The following TSNARE1 variants were observed in gnomAD, a reference collection of about 807,000 sequenced individuals.
The protein encoded by TSNARE1 is t-SNARE domain containing 1.
In TSNARE1, 49 loss-of-function variants were observed where a neutral mutation model predicts 62.0. The ratio of observed to expected loss-of-function variants is 0.79; its 90% CI spans 0.63 to 1.00. The LOEUF (loss-of-function observed/expected upper bound fraction) is 1.00, where lower values mean the gene tolerates loss of function less well. Ranked by LOEUF, TSNARE1 falls within the 50% of genes least tolerant of loss-of-function variation. TSNARE1 has a pLI of 0.00. For missense variants in TSNARE1, 755 were observed against 700.1 expected (o/e 1.08, Z -0.88); for synonymous variants, 328 against 294.4 (o/e 1.11, Z -1.17).
Position 142,319,922 on chromosome 8 carries a change from C to T in TSNARE1, c.894-1288G>A, listed in dbSNP as rs765147609. 2.6e-5 allele frequency among the ~76,000 whole-genome samples: 4 copies of T among 152,142 alleles called. No individual in the cohort carries two copies. Among genetic ancestry groups the T allele is most frequent in the African/African-American group, 4.8e-5 (2 of 41,426 alleles). ...TCTTCCCCGGGGCCTTGGTCAGGGC[C>T]GCCTCCTCCTGCAGCTGGCGTCTGA... On this transcript the variant is annotated intron_variant, in intron 6 of 13. Coordinates refer to ENST00000524325, the MANE Select transcript of TSNARE1 (RefSeq NM_145003.5). The surrounding 1 kb of genome is among the most constrained non-coding windows in gnomAD (Gnocchi z 4.9).
intron 1 of TSNARE1, among the ~76,000 whole-genome samples, chr8:142,371,608 CG>C (rs1563995495): frequency 6.6e-6 from 1 of 152,150 alleles, no homozygotes; most frequent in African/African-American, 2.4e-5. Context: ...GAGGAGGTAT[CG>C]GGCTGTAAAG....
chr8:142,367,923 G>T (rs1835670586), intron 1 of TSNARE1, among the ~76,000 whole-genome samples: 1 of 152,042 alleles, frequency 6.6e-6, no homozygotes, highest in African/African-American at 2.4e-5. Context: ...ATAATAAAAA[G>T]AATACACTCC....
intron 1 of TSNARE1, among the ~76,000 whole-genome samples, chr8:142,384,872 C>T (rs1837006925): frequency 6.6e-6 from 1 of 152,142 alleles, no homozygotes; most frequent in African/African-American, 2.4e-5. Context: ...CATGAAAGTA[C>T]ACTATCAACA....
chr8:142,239,459 G>A (rs557619414), intron 12 of TSNARE1, among the ~76,000 whole-genome samples: 6 of 152,358 alleles, frequency 3.9e-5, no homozygotes, highest in South Asian at 4.1e-4. Context: ...GGGCTAGGAC[G>A]ATGTCTAACC....
intron 4 of TSNARE1, among the ~76,000 whole-genome samples, chr8:142,332,052 G>A (rs1200153659): frequency 1.3e-5 from 2 of 152,216 alleles, no homozygotes; most frequent in Admixed American, 6.5e-5. Context: ...AAGGAGAGAC[G>A]AAGGCAGGGG....
chr8:142,318,127 G>C (rs568246687), intron 7 of TSNARE1, among the ~76,000 whole-genome samples: 1 of 152,328 alleles, frequency 6.6e-6, no homozygotes, highest in East Asian at 1.9e-4. Context: ...GGTAGGTGAG[G>C]GGATAGGGAG....
At chr8:142,366,035 T>C (rs1310291797) in intron 1 of TSNARE1, 1 of 385,160 alleles carries the variant, frequency 2.6e-6, no homozygotes, top group South Asian at 1.8e-5. Context: ...TGAAGGATTT[T>C]TCTGATTGCT....
At chr8:142,404,074 C>G (rs1564027815), upstream of TSNARE1, 1 of 152,276 alleles carries the variant, frequency 6.6e-6, no homozygotes, top group African/African-American at 2.4e-5. Flanking sequence ...CTCCGGCAAG[C>G]GGAGGTTCTC....
At chr8:142,295,619 C>T (rs1056150433) in intron 10 of TSNARE1, among the ~76,000 whole-genome samples, 4 of 152,236 alleles carry the variant, frequency 2.6e-5, no homozygotes, top group African/African-American at 9.6e-5. Context: ...CTCCACTGGC[C>T]GCTGGGTGGC....
intron 1 of TSNARE1, among the ~76,000 whole-genome samples, chr8:142,380,669 T>G (rs1366265180): frequency 1.3e-5 from 2 of 151,724 alleles, no homozygotes; most frequent in African/African-American, 4.8e-5. Context: ...AAACAGCAAG[T>G]GTGGAAACAA....
chr8:142,228,012 G>A (rs528580954), intron 13 of TSNARE1, among the ~76,000 whole-genome samples: 20 of 152,262 alleles, frequency 1.3e-4, no homozygotes, highest in African/African-American at 2.6e-4. Flanking sequence ...CAGCCTTCCC[G>A]GAGTTTACAT....
At chr8:142,336,331 T>C (rs1448591967) in intron 4 of TSNARE1, among the ~76,000 whole-genome samples, 5 of 137,402 alleles carry the variant, frequency 3.6e-5, no homozygotes, top group Non-Finnish European at 7.8e-5. Context: ...CTACAGTATA[T>C]ACAAGAAGCC....
At chr8:142,288,175 G>C (rs767613973) in intron 10 of TSNARE1, among the ~76,000 whole-genome samples, 3 of 152,222 alleles carry the variant, frequency 2.0e-5, no homozygotes, top group Non-Finnish European at 2.9e-5. Context: ...GAGCAAGGCC[G>C]GGTCCAGTGC....
intron 11 of TSNARE1, among the ~76,000 whole-genome samples, chr8:142,283,037 G>A (rs1821912434): frequency 6.7e-6 from 1 of 148,236 alleles, no homozygotes; most frequent in African/African-American, 2.6e-5. Flanking sequence ...CTGCCAATGA[G>A]CAGAGGCGGG....
At chr8:142,229,401 G>A (rs1342989211) in intron 13 of TSNARE1, 72 bp downstream of exon 13, 3 of 1,213,384 alleles carry the variant, frequency 2.5e-6, no homozygotes, top group African/African-American at 3.0e-5. Flanking sequence ...TTAGATGGAT[G>A]GTGGATAGGT....
At chr8:142,335,297 G>A (rs1176507730) in intron 4 of TSNARE1, among the ~76,000 whole-genome samples, 1 of 151,806 alleles carries the variant, frequency 6.6e-6, no homozygotes, top group East Asian at 1.9e-4. Flanking sequence ...AATGACCCGT[G>A]GTCCTGAATG....
intron 7 of TSNARE1, among the ~76,000 whole-genome samples, chr8:142,315,621 C>T (rs1023843153): frequency 2.6e-5 from 4 of 151,822 alleles, no homozygotes; most frequent in East Asian, 1.9e-4. Context: ...AGCACGGAGC[C>T]GGGGTGGGGC....
At chr8:142,217,303 AAAAG>A (rs140047050) in intron 13 of TSNARE1, among the ~76,000 whole-genome samples, 10,375 of 126,380 alleles carry the variant, frequency 0.082, 459 homozygotes, top group Middle Eastern at 0.11. Context: ...GAAAGAAAGA[AAAAG>A]AAAGAAAGAA....
chr8:142,373,298 G>A (rs531895605), intron 1 of TSNARE1, among the ~76,000 whole-genome samples: 21 of 152,288 alleles, frequency 1.4e-4, no homozygotes, highest in African/African-American at 3.4e-4. Flanking sequence ...GTTCAGGCCC[G>A]GCCATGCTGC....
Sources: gnomAD v4.1 joint callset for allele counts (sites outside exome capture counted in the v4.1 genomes callset) on GRCh38, gnomAD v4.1.1 for gene constraint, Gnocchi (gnomAD v3.1) non-coding constraint, MANE v1.5 for transcripts, NCBI Gene and HGNC (gene_info 2026-07-23, HGNC 2026-07-21) for gene names.